GNA14: variants seen among roughly 807,000 people sequenced by gnomAD.
GNA14 encodes the protein G protein subunit alpha 14.
A neutral mutation model predicts 42.0 loss-of-function variants in GNA14; 50 were observed. The observed-to-expected ratio is 1.19, with a 90% confidence interval of 0.95 to 1.51. GNA14 has a LOEUF of 1.51. Among genes scored for constraint, GNA14 ranks in the 40% most tolerant of loss-of-function variants. The pLI is 0.00. For synonymous variants in GNA14, 173 were observed against 163.1 expected, an observed-to-expected ratio of 1.06 and a Z score of -0.46; for missense variants, 473 against 446.2, an observed-to-expected ratio of 1.06 and a Z score of -0.54.
Position 77,647,976 on chromosome 9 carries a change from C to T in GNA14, c.-183G>A. The T allele has an allele frequency of 1.5e-6, 1 of 666,832 alleles. No homozygotes were observed. The highest frequency in any genetic ancestry group is 2.1e-5 in the South Asian group (1 of 48,520). The allele number at this position is 666,832 out of a possible 1,614,324, so 41.3% of individuals were successfully genotyped here. A position where few individuals can be genotyped will look rare whatever the true frequency, so the allele number is the denominator to read the frequency against. On this transcript the variant is annotated 5_prime_UTR_variant, in exon 1 of 7. Coordinates refer to ENST00000341700, the MANE Select transcript of GNA14 (RefSeq NM_004297.4). ...GGCTCAATCCCCCTTCGAAAGTCGG[C>T]TCTGAGGCGGGGTGAATGCCGAGCG...
chr9:77,466,457 C>T (rs1316499447), intron 2 of GNA14, among the ~76,000 whole-genome samples: 1 of 152,122 alleles, frequency 6.6e-6, no homozygotes, highest in Non-Finnish European at 1.5e-5. Flanking sequence ...CCATTTGGTT[C>T]ATTTTTATAA....
intron 1 of GNA14, among the ~76,000 whole-genome samples, chr9:77,616,080 A>G (rs1823811471): frequency 6.6e-6 from 1 of 152,224 alleles, no homozygotes; most frequent in African/African-American, 2.4e-5. Flanking sequence ...TATCGCATTT[A>G]TGTTGGGATA....
At chr9:77,437,931 G>A (rs1239057070) in intron 2 of GNA14, among the ~76,000 whole-genome samples, 2 of 152,194 alleles carry the variant, frequency 1.3e-5, no homozygotes, top group Non-Finnish European at 2.9e-5. Flanking sequence ...ACTGATACAC[G>A]TTGCCATGGA....
At chr9:77,551,754 A>T (rs535113851) in intron 1 of GNA14, among the ~76,000 whole-genome samples, 89 of 151,528 alleles carry the variant, frequency 5.9e-4, no homozygotes, top group Middle Eastern at 3.4e-3. Flanking sequence ...TGCTTTTTTT[A>T]AAAAAAAATC....
At chr9:77,504,274 C>A (rs563509976) in intron 2 of GNA14, among the ~76,000 whole-genome samples, 21 of 152,106 alleles carry the variant, frequency 1.4e-4, no homozygotes, top group African/African-American at 5.1e-4. Context: ...TTTTTCTAAG[C>A]CTTAAATATT....
intron 1 of GNA14, among the ~76,000 whole-genome samples, chr9:77,577,865 C>G (rs933711901): frequency 6.6e-6 from 1 of 152,126 alleles, no homozygotes; most frequent in African/African-American, 2.4e-5. Context: ...ATACTCCTAT[C>G]TCACCATTTA....
intron 1 of GNA14, among the ~76,000 whole-genome samples, chr9:77,584,972 G>A (rs546537207): frequency 8.5e-5 from 13 of 152,116 alleles, no homozygotes; most frequent in South Asian, 2.1e-4. Flanking sequence ...GGATTTAGCC[G>A]GCTTCTTTAC....
Position 77,589,770 on chromosome 9 carries a change from T to C in GNA14, c.124+57900A>G, listed in dbSNP as rs554475855. Among the ~76,000 whole-genome samples, 3 of 152,300 alleles carry C rather than the reference T, an allele frequency of 2.0e-5. No homozygotes were observed. The East Asian group carries it at 5.8e-4, about 29-fold the overall frequency. On this transcript the variant is annotated intron_variant, in intron 1 of 6. Coordinates refer to ENST00000341700, the MANE Select transcript of GNA14 (RefSeq NM_004297.4). ...CAACACTGGATTTTAATTATGACCA[T>C]CCAGAGTCACTGCCTTCCATACCAA...
chr9:77,605,971 A>C (rs556251587), intron 1 of GNA14, among the ~76,000 whole-genome samples: 2 of 152,342 alleles, frequency 1.3e-5, no homozygotes, highest in South Asian at 4.1e-4. Context: ...GATAAGTTTC[A>C]TATATTCTGT....
intron 2 of GNA14, among the ~76,000 whole-genome samples, chr9:77,474,942 T>G (rs1458950870): frequency 6.6e-6 from 1 of 152,012 alleles, no homozygotes; most frequent in East Asian, 1.9e-4. Context: ...ATGTCCAGAA[T>G]GGTCAAATTC....
intron 1 of GNA14, among the ~76,000 whole-genome samples, chr9:77,588,950 C>T (rs1158180820): frequency 6.6e-6 from 1 of 152,168 alleles, no homozygotes; most frequent in Admixed American, 6.5e-5. Flanking sequence ...CACATGCTAG[C>T]CACATTTTTA....
chr9:77,440,468 A>T (rs1211111430), intron 2 of GNA14, among the ~76,000 whole-genome samples: 1 of 152,232 alleles, frequency 6.6e-6, no homozygotes, highest in Non-Finnish European at 1.5e-5. Context: ...GACTTTCCCA[A>T]TTAAGCTAGA....
intron 2 of GNA14, among the ~76,000 whole-genome samples, chr9:77,478,360 A>T (rs997143593): frequency 3.6e-4 from 55 of 152,112 alleles, no homozygotes; most frequent in South Asian, 6.2e-4. Flanking sequence ...CATGAACTCA[A>T]CATTTTTTAT....
At chr9:77,623,595 T>C (rs1213566927) in intron 1 of GNA14, among the ~76,000 whole-genome samples, 1 of 152,104 alleles carries the variant, frequency 6.6e-6, no homozygotes, top group Admixed American at 6.5e-5. Context: ...TGGGATTGGT[T>C]AGAGTGGGTG....
intron 1 of GNA14, among the ~76,000 whole-genome samples, chr9:77,622,534 C>T (rs879436786): frequency 5.3e-5 from 8 of 151,602 alleles, no homozygotes; most frequent in Non-Finnish European, 1.2e-4. Flanking sequence ...TTTGGGAGGC[C>T]GAGTTGGGCG....
Position 77,425,643 on chromosome 9 carries a change from TCA to T in GNA14, c.794_795del (p.Val265AspfsTer21), listed in dbSNP as rs1835441973. ...AGATCCTTCTTGTTCAAGAATAAAATCACAGACGAATTCAGAAACCAGGGGTA... is the reference window on the plus strand; with the variant it reads ...AGATCCTTCTTGTTCAAGAATAAAATCAGACGAATTCAGAAACCAGGGGTA... The part of the protein sequence containing the change: ...ITYPWFLNSS[V>X]ILFLNKKDLL... On this transcript the variant is annotated frameshift_variant, in exon 6 of 7. Coordinates refer to ENST00000341700, the MANE Select transcript of GNA14 (RefSeq NM_004297.4). LOFTEE classifies it high-confidence loss of function. 1 of 1,609,000 alleles carries T rather than the reference TCA, an allele frequency of 6.2e-7. No individual in the cohort carries two copies. Among genetic ancestry groups the T allele is most frequent in the South Asian group, 1.1e-5 (1 of 90,944 alleles).
Position 77,424,039 on chromosome 9 carries a change from CACAAAGCG to C in GNA14, c.1000_1007del (p.Arg334ValfsTer61). On this transcript the variant is annotated frameshift_variant, in exon 7 of 7. Transcript: ENST00000341700. LOFTEE classifies it high-confidence loss of function. ...GAATTGTGTCTTTGACAGCAGCAAA[CACAAAGCG>C]AATATTGTCTGTATCTGTAGCACAT... 1 of 1,610,830 alleles carries C rather than the reference CACAAAGCG, an allele frequency of 6.2e-7. No homozygotes were observed. Among genetic ancestry groups the C allele is most frequent in the Middle Eastern group, 1.7e-4 (1 of 6,058 alleles).
intron 1 of GNA14, among the ~76,000 whole-genome samples, chr9:77,636,698 C>G (rs1474864762): frequency 6.6e-6 from 1 of 152,130 alleles, no homozygotes; most frequent in Non-Finnish European, 1.5e-5. Flanking sequence ...CCAGCTCTCT[C>G]AAGAATACAG....
intron 1 of GNA14, among the ~76,000 whole-genome samples, chr9:77,627,040 A>C (rs1587853206): frequency 6.6e-6 from 1 of 152,198 alleles, no homozygotes; most frequent in African/African-American, 2.4e-5. Context: ...CACAAAAATG[A>C]TAAAGAGGAT....
Sources: allele counts gnomAD v4.1 joint callset (sites outside exome capture counted in the v4.1 genomes callset), GRCh38; gene constraint gnomAD v4.1.1; transcripts MANE v1.5; gene names NCBI Gene and HGNC (gene_info 2026-07-23, HGNC 2026-07-21).